The following CNDP1 variants were observed in gnomAD, a reference collection of about 807,000 sequenced individuals.
CNDP1 encodes carnosine dipeptidase 1.
A neutral mutation model predicts 58.1 loss-of-function variants in CNDP1; 44 were observed. The ratio of observed to expected loss-of-function variants is 0.76; its 90% confidence interval spans 0.60 to 0.97. The LOEUF is 0.97. Among genes scored for constraint, CNDP1 ranks in the 50% least tolerant of loss-of-function variants. The pLI is 0.00. For synonymous variants in CNDP1, 254 were observed against 252.6 expected (o/e 1.01, Z -0.05); for missense variants, 616 against 655.1 (o/e 0.94, Z 0.65).
Position 74,578,232 on chromosome 18 carries a change from G to A in CNDP1, c.1072G>A (p.Glu358Lys), listed in dbSNP as rs1372853224. 1 of 1,613,928 alleles carries A rather than the reference G, an allele frequency of 6.2e-7. No individual in the cohort carries two copies. The highest frequency in any genetic ancestry group is 8.5e-7 in the Non-Finnish European group (1 of 1,180,018). The change falls in exon 9 of 12, where the codon GAG becomes AAG. Residue 358 changes from glutamate (E) to lysine (K), a missense_variant. Coordinates refer to ENST00000358821, the MANE Select transcript of CNDP1 (RefSeq NM_032649.6). ...TCATGGGATCGAGGGCGCGTTTGAT[G>A]AGCCTGGAACTAAAACAGTCATACC... ...SIHGIEGAFD[E>K]PGTKTVIPGR...
chr18:74,560,151 G>C (rs2144655899), intron 3 of CNDP1, among the ~76,000 whole-genome samples: 1 of 152,060 alleles, frequency 6.6e-6, no homozygotes, highest in South Asian at 2.1e-4. Flanking sequence ...GAGTAGCTGG[G>C]ATTTCAGGCG....
intron 6 of CNDP1, among the ~76,000 whole-genome samples, chr18:74,567,700 G>A (rs2144662387): frequency 6.6e-6 from 1 of 152,314 alleles, no homozygotes; most frequent in South Asian, 2.1e-4. Flanking sequence ...ACAAAGCAAA[G>A]CTTGGAAACT....
At chr18:74,564,385 A>C (rs1981276308) in intron 5 of CNDP1, among the ~76,000 whole-genome samples, 2 of 152,216 alleles carry the variant, frequency 1.3e-5, no homozygotes, top group African/African-American at 2.4e-5. Context: ...TAAAGGAGCT[A>C]GTCCATGCCC....
At chr18:74,537,384 T>C (rs534787505) in intron 1 of CNDP1, among the ~76,000 whole-genome samples, 1 of 152,334 alleles carries the variant, frequency 6.6e-6, no homozygotes, top group South Asian at 2.1e-4. Flanking sequence ...CCGAGCATCA[T>C]TTATTGAATA....
Position 74,573,248 on chromosome 18 carries a change from C to G in CNDP1, c.841+1978C>G, listed in dbSNP as rs569441253. On this transcript the variant is annotated intron_variant, in intron 7 of 11. Transcript: ENST00000358821. ...TCCATCCATCCAACTATCTGTCTAT[C>G]CATCCATTATCTATCCATCTATCAT... Among the ~76,000 whole-genome samples the G allele has an allele frequency of 1.4e-4, 21 of 152,112 alleles. No homozygotes were observed. In the South Asian group the frequency reaches 4.2e-3, roughly 30 times the overall value.
intron 7 of CNDP1, among the ~76,000 whole-genome samples, chr18:74,573,402 C>T (rs986570513): frequency 9.7e-5 from 4 of 41,340 alleles, no homozygotes. Context: ...ATCCATCTAT[C>T]CACCCATTAT....
chr18:74,561,942 A>G (rs1981210073), intron 4 of CNDP1, 105 bp from the exon 5 acceptor site: 1 of 866,506 alleles, frequency 1.2e-6, no homozygotes, highest in African/African-American at 1.7e-5. Flanking sequence ...CAATATTATT[A>G]TAGAAAGCAC....
Position 74,562,107 on chromosome 18 carries a change from C to A in CNDP1, c.527C>A (p.Ala176Asp). The A allele has an allele frequency of 6.2e-7, 1 of 1,614,100 alleles. No homozygotes were observed. ...GGCCCTGTCTTGGCTTGGATCAATG[C>A]TGTGAGCGCCTTCAGAGCCCTGGAG... The part of the protein sequence containing the change: ...NKGPVLAWIN[A>D]VSAFRALEQD... Residue 176 changes from alanine to aspartate, a missense_variant, in exon 5 of 12, where the codon GCT (alanine) becomes GAT (aspartate). Coordinates refer to ENST00000358821, the MANE Select transcript of CNDP1 (RefSeq NM_032649.6).
intron 6 of CNDP1, among the ~76,000 whole-genome samples, chr18:74,568,377 C>A (rs1410337401): frequency 6.6e-6 from 1 of 152,146 alleles, no homozygotes; most frequent in Non-Finnish European, 1.5e-5. Flanking sequence ...TCTAGTGAGA[C>A]ACAGATACTA....
At chr18:74,575,891 A>G (rs1981624263) in intron 7 of CNDP1, among the ~76,000 whole-genome samples, 1 of 110,814 alleles carries the variant, frequency 9.0e-6, no homozygotes, top group African/African-American at 3.5e-5. Flanking sequence ...TTTTTTTGAG[A>G]CGGAGTCTCG....
chr18:74,572,702 C>T (rs553671953), intron 7 of CNDP1, among the ~76,000 whole-genome samples: 70 of 147,162 alleles, frequency 4.8e-4, no homozygotes, highest in African/African-American at 1.6e-3. Flanking sequence ...GCAGGAGGGT[C>T]GCTTGAGCCC....
intron 1 of CNDP1, among the ~76,000 whole-genome samples, chr18:74,555,570 G>A (rs149707874): frequency 7.2e-4 from 110 of 152,310 alleles, no homozygotes; most frequent in African/African-American, 2.5e-3. Context: ...CTTCCTGTCA[G>A]GGGTCAAGGA....
intron 5 of CNDP1, 94 bp from the exon 6 acceptor site, chr18:74,567,139 T>C (rs1006715826): frequency 2.0e-6 from 2 of 1,004,222 alleles, no homozygotes; most frequent in Non-Finnish European, 3.2e-6. Flanking sequence ...CACGTGGGAA[T>C]TCTGGGAGAT....
intron 6 of CNDP1, among the ~76,000 whole-genome samples, chr18:74,570,781 G>GAAAAGAAGA (rs1309878798): frequency 6.6e-6 from 1 of 152,190 alleles, no homozygotes; most frequent in African/African-American, 2.4e-5. Context: ...CTGCAGGTAA[G>GAAAAGAAGA]AAAAGAAGAA....
intron 10 of CNDP1, among the ~76,000 whole-genome samples, chr18:74,582,339 C>A (rs2144581388): frequency 6.6e-6 from 1 of 152,344 alleles, no homozygotes; most frequent in African/African-American, 2.4e-5. Flanking sequence ...TTTCATCCCA[C>A]TCCATCACTG....
chr18:74,536,656 C>A (rs1980492755), intron 1 of CNDP1, among the ~76,000 whole-genome samples: 2 of 152,198 alleles, frequency 1.3e-5, no homozygotes, highest in Admixed American at 1.3e-4. Context: ...GAGCATATAA[C>A]CCAGTAATGG....
intron 1 of CNDP1, among the ~76,000 whole-genome samples, chr18:74,553,616 GTA>G (rs1361980131): frequency 1.3e-5 from 2 of 152,168 alleles, no homozygotes; most frequent in Admixed American, 6.5e-5. Flanking sequence ...CAATTGATAT[GTA>G]TGTGTGTCCT....
At chr18:74,553,041 G>T (rs1396027234) in intron 1 of CNDP1, among the ~76,000 whole-genome samples, 1 of 152,170 alleles carries the variant, frequency 6.6e-6, no homozygotes, top group Non-Finnish European at 1.5e-5. Context: ...ATCATGCTGA[G>T]CCTAAACTTT....
chr18:74,572,072 G>T (rs1384281333), intron 7 of CNDP1, among the ~76,000 whole-genome samples: 1 of 152,154 alleles, frequency 6.6e-6, no homozygotes, highest in East Asian at 1.9e-4. Context: ...TCCAGAAATG[G>T]TGTCAAATAT....
Sources: gnomAD v4.1 joint callset for allele counts (sites outside exome capture counted in the v4.1 genomes callset) on GRCh38, gnomAD v4.1.1 for gene constraint, MANE v1.5 for transcripts, NCBI Gene and HGNC (gene_info 2026-07-23, HGNC 2026-07-21) for gene names.